Variants in SPIDR observed in about 807,000 individuals in gnomAD.
The protein encoded by SPIDR is DNA repair-scaffolding protein.
A neutral mutation model predicts 104.6 loss-of-function variants in SPIDR; 93 were observed. That is an observed-to-expected ratio of 0.89 (90% CI 0.75 to 1.06). The LOEUF (loss-of-function observed/expected upper bound fraction) is 1.06, where lower values mean the gene tolerates loss of function less well. Ranked by LOEUF, SPIDR falls within the 50% of genes least tolerant of loss-of-function variation. SPIDR has a pLI of 0.00. For synonymous variants in SPIDR, 431 were observed against 416.9 expected (o/e 1.03, Z -0.41); for missense variants, 1,154 against 1,111.2 (o/e 1.04, Z -0.55).
intron 5 of SPIDR, among the ~76,000 whole-genome samples, chr8:47,394,382 T>G (rs552370234): frequency 2.0e-5 from 3 of 152,288 alleles, no homozygotes; most frequent in South Asian, 4.1e-4. Flanking sequence ...TCTTCATGGT[T>G]GCACGTGAGT....
intron 10 of SPIDR, among the ~76,000 whole-genome samples, chr8:47,667,378 G>A (rs553437420): frequency 6.8e-6 from 1 of 147,228 alleles, no homozygotes; most frequent in East Asian, 2.0e-4. Flanking sequence ...CAGAAGGATC[G>A]CAAGAGGCCA....
In SPIDR at chr8:47,715,992, AGTCT is replaced by A. The variant is rs2082535482; in HGVS notation, c.2341+2359_2341+2362del. On this transcript the variant is annotated intron_variant, in intron 16 of 19. Coordinates refer to ENST00000297423, the MANE Select transcript of SPIDR (RefSeq NM_001080394.4). The stretch of plus-strand genomic sequence containing the variant: ...TTTTTTTTTTTTTTTTTGGAGACAG[AGTCT>A]GTCTGTCACCCAGGCTGGAGTGCAA... 1.0e-4 allele frequency among the ~76,000 whole-genome samples: 14 copies of A among 133,488 alleles called. No homozygotes were observed. In the South Asian group the frequency reaches 3.3e-3, roughly 31 times the overall value. The allele number at this position is 133,488 out of a possible 152,430, so 87.6% of individuals were successfully genotyped here.
At chr8:47,305,702 C>T (rs1207051899) in intron 5 of SPIDR, among the ~76,000 whole-genome samples, 1 of 152,092 alleles carries the variant, frequency 6.6e-6, no homozygotes. Flanking sequence ...TGCTTTTAAT[C>T]GGTTTTAATA....
intron 5 of SPIDR, among the ~76,000 whole-genome samples, chr8:47,380,221 G>C (rs2059167089): frequency 6.6e-6 from 1 of 152,216 alleles, no homozygotes; most frequent in African/African-American, 2.4e-5. Flanking sequence ...GCCCCTGCCT[G>C]GGCCTGGCAG....
In SPIDR at chr8:47,583,305, C is replaced by CAA. The variant is rs34756645; in HGVS notation, c.1098-12489_1098-12488dup. ...TGGGTGACAGAGCGAGACTCCATCT[C>CAA]AAAAAAAAAAAAAAAAAAGTATCAG... On this transcript the variant is annotated intron_variant, in intron 8 of 19. Transcript: ENST00000297423. Among the ~76,000 whole-genome samples, 601 of 110,894 alleles carry CAA rather than the reference C, an allele frequency of 5.4e-3. 9 individuals carry two copies. Among genetic ancestry groups the CAA allele is most frequent in the African/African-American group, 9.8e-3 (277 of 28,334 alleles). The allele number at this position is 110,894 out of a possible 152,430, so 72.8% of individuals were successfully genotyped here. A position where few individuals can be genotyped will look rare whatever the true frequency, so the allele number is the denominator to read the frequency against.
intron 10 of SPIDR, among the ~76,000 whole-genome samples, chr8:47,668,503 A>G (rs996887712): frequency 2.6e-5 from 4 of 152,032 alleles, no homozygotes; most frequent in Non-Finnish European, 5.9e-5. Flanking sequence ...ACAAACTAGG[A>G]CTCCCTAACT....
At chr8:47,558,646 C>G (rs1025907714) in intron 8 of SPIDR, among the ~76,000 whole-genome samples, 4 of 149,356 alleles carry the variant, frequency 2.7e-5, no homozygotes, top group Non-Finnish European at 5.9e-5. Flanking sequence ...TTTTTTGTTT[C>G]TTTGTTTTTT....
chr8:47,681,188 A>G (rs186471186), intron 11 of SPIDR, among the ~76,000 whole-genome samples: 3 of 152,324 alleles, frequency 2.0e-5, no homozygotes, highest in East Asian at 1.9e-4. Flanking sequence ...GTTTAGGAGT[A>G]TGTTTTGTGT....
intron 8 of SPIDR, among the ~76,000 whole-genome samples, chr8:47,530,337 G>A (rs906152200): frequency 6.6e-6 from 1 of 152,174 alleles, no homozygotes. Context: ...CCAGCTACTC[G>A]GGAGGCTGAG....
chr8:47,585,809 A>G (rs1326813820), intron 8 of SPIDR, among the ~76,000 whole-genome samples: 2 of 152,152 alleles, frequency 1.3e-5, no homozygotes, highest in Non-Finnish European at 2.9e-5. Context: ...TCCCACTCCC[A>G]TGATAACCCA....
At chr8:47,480,910 C>G (rs566041968) in intron 8 of SPIDR, among the ~76,000 whole-genome samples, 14 of 152,296 alleles carry the variant, frequency 9.2e-5, no homozygotes, top group African/African-American at 2.9e-4. Context: ...TTTTATTAAC[C>G]TTGCTGGACC....
At chr8:47,353,742 A>AT (rs2053998568) in intron 5 of SPIDR, among the ~76,000 whole-genome samples, 2 of 146,462 alleles carry the variant, frequency 1.4e-5, no homozygotes, top group Non-Finnish European at 3.0e-5. Flanking sequence ...ATTTCAACAC[A>AT]TTTTTTGTGC....
chr8:47,413,760 C>T (rs781901166), intron 7 of SPIDR, among the ~76,000 whole-genome samples: 2 of 152,132 alleles, frequency 1.3e-5, no homozygotes, highest in African/African-American at 2.4e-5. Flanking sequence ...AGGCTTACTA[C>T]GTATTAAATC....
At chr8:47,295,681 A>C (rs1161133996) in intron 5 of SPIDR, among the ~76,000 whole-genome samples, 1 of 152,126 alleles carries the variant, frequency 6.6e-6, no homozygotes, top group Non-Finnish European at 1.5e-5. Context: ...TATATACTAT[A>C]TTTACTTTAT....
chr8:47,469,075 A>G (rs1256123245), intron 8 of SPIDR, among the ~76,000 whole-genome samples: 5 of 152,252 alleles, frequency 3.3e-5, no homozygotes, highest in Admixed American at 2.6e-4. Flanking sequence ...CATATGGCCA[A>G]CAAGCACATG....
chr8:47,595,926 A>G lies in SPIDR; in HGVS notation c.1213A>G (p.Ile405Val). 4 of 1,614,226 alleles carry G rather than the reference A, an allele frequency of 2.5e-6. No individual in the cohort carries two copies. Reference sequence around the variant, plus strand: ...AACTTGTGAAGTGTACTGTCCGGACATACCCCTTCCAAGAAGAAGCATCTC... The same window carrying G: ...AACTTGTGAAGTGTACTGTCCGGACGTACCCCTTCCAAGAAGAAGCATCTC... ...EKTCEVYCPD[I>V]PLPRRSISLA... Residue 405 changes from isoleucine (I) to valine (V), a missense_variant, in exon 9 of 20, where the codon ATA becomes GTA. Coordinates refer to ENST00000297423, the MANE Select transcript of SPIDR (RefSeq NM_001080394.4).
chr8:47,630,985 G>A (rs1301277995), intron 10 of SPIDR, among the ~76,000 whole-genome samples: 8 of 152,178 alleles, frequency 5.3e-5, no homozygotes, highest in Non-Finnish European at 1.2e-4. Context: ...GTGAGAACAA[G>A]AACTCAACAA....
intron 5 of SPIDR, among the ~76,000 whole-genome samples, chr8:47,309,119 G>C (rs1488773804): frequency 6.6e-6 from 1 of 152,120 alleles, no homozygotes; most frequent in Non-Finnish European, 1.5e-5. Flanking sequence ...GTTTAATTCT[G>C]ATCATCATAC....
chr8:47,702,229 CATAT>C (rs1176027492), intron 14 of SPIDR, among the ~76,000 whole-genome samples: 1 of 152,074 alleles, frequency 6.6e-6, no homozygotes, highest in Non-Finnish European at 1.5e-5. Flanking sequence ...AAGCATGCCC[CATAT>C]ACTGAAGTGG....
Sources: gnomAD v4.1 joint callset for allele counts (sites outside exome capture counted in the v4.1 genomes callset) on GRCh38, gnomAD v4.1.1 for gene constraint, MANE v1.5 for transcripts, NCBI Gene and HGNC (gene_info 2026-07-23, HGNC 2026-07-21) for gene names.